MAML3: variants seen among roughly 807,000 people sequenced by gnomAD.
The protein encoded by MAML3 is mastermind-like protein 3.
Under a neutral mutation model 101.9 loss-of-function variants are expected in MAML3, and 27 were observed. The observed-to-expected ratio is 0.27, with a 90% CI of 0.20 to 0.37. MAML3 has a LOEUF of 0.37. Among genes scored for constraint, MAML3 ranks in the 10% least tolerant of loss-of-function variants. The pLI is 1.00. For synonymous variants in MAML3, 501 were observed against 555.9 expected (o/e 0.90, Z 1.39); for missense variants, 1,316 against 1,444.9 (o/e 0.91, Z 1.45).
At chr4:140,133,028 G>T in intron 1 of MAML3, 1 of 410,116 alleles carries the variant, frequency 2.4e-6, no homozygotes, top group South Asian at 1.8e-5. Flanking sequence ...AGATTATTTT[G>T]ATACCTGTAT....
At chr4:140,043,021 T>A (rs1727113299) in intron 1 of MAML3, among the ~76,000 whole-genome samples, 1 of 152,038 alleles carries the variant, frequency 6.6e-6, no homozygotes, top group Admixed American at 6.5e-5. Context: ...AAATCTGATT[T>A]TTTTTAAAAA....
chr4:140,121,488 A>C (rs540082912), intron 1 of MAML3, among the ~76,000 whole-genome samples: 1 of 152,326 alleles, frequency 6.6e-6, no homozygotes, highest in East Asian at 1.9e-4. Context: ...TTTGAAAGGG[A>C]AAAAGAGGTG....
chr4:139,784,187 C>T (rs575801769), intron 2 of MAML3, among the ~76,000 whole-genome samples: 1 of 152,340 alleles, frequency 6.6e-6, no homozygotes, highest in South Asian at 2.1e-4. Context: ...GTCAACAAGG[C>T]CAGGCCCGCC....
Position 139,785,099 on chromosome 4 carries a change from A to G in MAML3, c.2080-54432T>C, listed in dbSNP as rs1221722397. 1.3e-5 allele frequency among the ~76,000 whole-genome samples: 2 copies of G among 152,200 alleles called. No homozygotes were observed. Among genetic ancestry groups the G allele is most frequent in the Admixed American group, 6.5e-5 (1 of 15,288 alleles). ...ACCCCTTACATTTGTACAAAAGAAGAAGGCGGCTAGCTTGGACACAAACAC... is the reference window on the plus strand; with the variant it reads ...ACCCCTTACATTTGTACAAAAGAAGGAGGCGGCTAGCTTGGACACAAACAC... On this transcript the variant is annotated intron_variant, in intron 2 of 4. Transcript: ENST00000509479. The surrounding 1 kb of genome is among the most constrained non-coding windows in gnomAD (Gnocchi z 4.3).
At chr4:139,747,372 G>A (rs534097452) in intron 2 of MAML3, among the ~76,000 whole-genome samples, 3 of 152,312 alleles carry the variant, frequency 2.0e-5, no homozygotes, top group South Asian at 4.1e-4. Flanking sequence ...GTTAGAGAAT[G>A]AATTCTAGGG....
At chr4:140,086,542 A>G (rs1727955169) in intron 1 of MAML3, among the ~76,000 whole-genome samples, 1 of 152,258 alleles carries the variant, frequency 6.6e-6, no homozygotes, top group African/African-American at 2.4e-5. Flanking sequence ...CATTTAAAAT[A>G]TCAATTATTT....
chr4:139,928,356 T>C (rs1456464957), intron 1 of MAML3, among the ~76,000 whole-genome samples: 1 of 152,214 alleles, frequency 6.6e-6, no homozygotes, highest in Non-Finnish European at 1.5e-5. Context: ...GAACTCTGGG[T>C]GGATTACAAA....
At chr4:140,152,489 G>C (rs969065981) in intron 1 of MAML3, among the ~76,000 whole-genome samples, 6 of 152,052 alleles carry the variant, frequency 3.9e-5, no homozygotes, top group Non-Finnish European at 7.4e-5. Flanking sequence ...GGGGAGCGGC[G>C]AAGAGGAGGA....
intron 1 of MAML3, among the ~76,000 whole-genome samples, chr4:139,914,194 T>C (rs1239497412): frequency 6.6e-6 from 1 of 152,194 alleles, no homozygotes; most frequent in Non-Finnish European, 1.5e-5. Context: ...GGAAATGGTT[T>C]TGTGAAGGTC....
chr4:140,002,027 T>C (rs1232151363), intron 1 of MAML3, among the ~76,000 whole-genome samples: 1 of 145,210 alleles, frequency 6.9e-6, no homozygotes, highest in African/African-American at 2.5e-5. Context: ...AATTAACATA[T>C]GCATTACCTC....
chr4:139,964,359 G>C (rs1734083396), intron 1 of MAML3, among the ~76,000 whole-genome samples: 1 of 152,070 alleles, frequency 6.6e-6, no homozygotes, highest in East Asian at 1.9e-4. Flanking sequence ...AACACCACAT[G>C]GTTCTCACTC....
chr4:139,818,263 T>G (rs187172852), intron 2 of MAML3, among the ~76,000 whole-genome samples: 1 of 152,246 alleles, frequency 6.6e-6, no homozygotes, highest in African/African-American at 2.4e-5. Flanking sequence ...CATGGCTGTC[T>G]ACACATTTCC....
chr4:140,109,868 A>G (rs1728411128), intron 1 of MAML3, among the ~76,000 whole-genome samples: 2 of 152,228 alleles, frequency 1.3e-5, no homozygotes, highest in African/African-American at 4.8e-5. Context: ...ACGTTTCAAT[A>G]CAGCTTATCT....
intron 2 of MAML3, among the ~76,000 whole-genome samples, chr4:139,824,935 T>C (rs1731034330): frequency 6.7e-6 from 1 of 149,560 alleles, no homozygotes; most frequent in Non-Finnish European, 1.5e-5. Flanking sequence ...AAAAGGACCC[T>C]GATTTTCCAG....
intron 2 of MAML3, among the ~76,000 whole-genome samples, chr4:139,884,640 T>C (rs1173310396): frequency 6.6e-6 from 1 of 152,236 alleles, no homozygotes; most frequent in African/African-American, 2.4e-5. Flanking sequence ...GACACAGGGA[T>C]TGTGGTTGCC....
intron 2 of MAML3, among the ~76,000 whole-genome samples, chr4:139,866,610 G>A (rs919106036): frequency 1.3e-5 from 2 of 152,160 alleles, no homozygotes; most frequent in Admixed American, 6.5e-5. Flanking sequence ...ACCACAGACA[G>A]GTGACCTATT....
At chr4:140,060,387 T>TAAAAAAAAAAAAAA (rs1553971712) in intron 1 of MAML3, among the ~76,000 whole-genome samples, 1 of 16,800 alleles carries the variant, frequency 6.0e-5, no homozygotes, top group South Asian at 2.2e-3. Flanking sequence ...AAAAAAAAAG[T>TAAAAAAAAAAAAAA]CACAAGCCTG....
At chr4:140,132,970 A>G (rs994156367) in intron 1 of MAML3, 5 of 342,516 alleles carry the variant, frequency 1.5e-5, no homozygotes, top group Non-Finnish European at 5.8e-6. Flanking sequence ...ATAAGAGTTT[A>G]TTACAAAATG....
intron 1 of MAML3, among the ~76,000 whole-genome samples, chr4:140,150,198 A>G (rs1382156177): frequency 6.6e-6 from 1 of 152,212 alleles, no homozygotes; most frequent in African/African-American, 2.4e-5. Context: ...ATTTGTTGCT[A>G]ATTTGCTAAA....
Sources: gnomAD v4.1 joint callset for allele counts (sites outside exome capture counted in the v4.1 genomes callset) on GRCh38, gnomAD v4.1.1 for gene constraint, Gnocchi (gnomAD v3.1) non-coding constraint, MANE v1.5 for transcripts, NCBI Gene and HGNC (gene_info 2026-07-23, HGNC 2026-07-21) for gene names.